The following CEP350 variants were observed in gnomAD, a reference collection of about 807,000 sequenced individuals.
CEP350 encodes centrosomal protein 350, also known as centrosome-associated protein 350.
A neutral mutation model predicts 331.8 loss-of-function variants in CEP350; 126 were observed. That is an observed-to-expected ratio of 0.38 (90% confidence interval 0.33 to 0.44). The LOEUF (loss-of-function observed/expected upper bound fraction) is 0.44, where lower values mean the gene tolerates loss of function less well. CEP350 is among the 20% of genes least tolerant of loss of function. The pLI, the probability that CEP350 is intolerant of heterozygous loss-of-function variation, is 1.00. For missense variants in CEP350, 3,406 were observed against 3,634.6 expected (o/e 0.94, Z 1.62); for synonymous variants, 1,200 against 1,259.5 (o/e 0.95, Z 1.00).
At position 180,020,892 on chromosome 1, in the gene CEP350, C is replaced by A. The variant is rs200622242; in HGVS notation, c.3118C>A (p.Pro1040Thr). ...TCAGAAAGAAGCTGAAAAATTCTTGCCACTTTTTGGGCACATAGGTGGTAC... is the reference window on the plus strand; with the variant it reads ...TCAGAAAGAAGCTGAAAAATTCTTGACACTTTTTGGGCACATAGGTGGTAC... ...EFQKEAEKFL[P>T]LFGHIGGTQS... is the part of the protein sequence containing the mutation. The change falls in exon 12 of 38, where the codon CCA becomes ACA. Residue 1040 changes from proline to threonine, a missense_variant. By Grantham distance (38) the Pro-to-Thr change is conservative. Coordinates refer to ENST00000367607, the MANE Select transcript of CEP350 (RefSeq NM_014810.5). 1.2e-4 allele frequency: 191 copies of A among 1,613,126 alleles called. No individual in the cohort carries two copies. Among genetic ancestry groups the A allele is most frequent in the Non-Finnish European group, 1.5e-4 (174 of 1,179,820 alleles).
At chr1:180,062,398 G>C (rs1333442047) in intron 26 of CEP350, 32 bp downstream of exon 26, 2 of 1,549,402 alleles carry the variant, frequency 1.3e-6, no homozygotes, top group Non-Finnish European at 1.7e-6. Context: ...TTTGTTTCCT[G>C]TCTTATTTTG....
chr1:180,014,622 C>T, intron 10 of CEP350, 117 bp downstream of exon 10: 2 of 902,342 alleles, frequency 2.2e-6, no homozygotes, highest in Admixed American at 3.3e-5. Flanking sequence ...TTATAATAAT[C>T]ATGGCCTTCA....
At chr1:179,989,358 C>T (rs1448817737) in intron 3 of CEP350, among the ~76,000 whole-genome samples, 1 of 151,574 alleles carries the variant, frequency 6.6e-6, no homozygotes, top group Non-Finnish European at 1.5e-5. Flanking sequence ...TGGTGTACAT[C>T]TGTAGTCCCA....
chr1:180,006,474 A>G lies in CEP350; in HGVS notation c.1153A>G (p.Lys385Glu), dbSNP rs1336281770. The G allele has an allele frequency of 6.6e-7, 1 of 1,526,534 alleles. No individual in the cohort carries two copies. 94.6% of individuals were successfully genotyped at this position (1,526,534 alleles called of 1,614,324 possible). Residue 385 changes from lysine (K) to glutamate (E), a missense_variant, in exon 8 of 38, where the codon AAA becomes GAA. Physicochemically the swap from Lys to Glu is moderately conservative, Grantham distance 56. Coordinates refer to ENST00000367607, the MANE Select transcript of CEP350 (RefSeq NM_014810.5). ...HFADDISIKEKPAEKSKEKKV... is the reference protein window; with the variant it reads ...HFADDISIKEEPAEKSKEKKV... ...TTCAGATGATATTTCTATAAAGGAG[A>G]AACCTGCTGAAAAAAGTAAAGAGAA...
chr1:180,086,659 G>A (rs577811240), intron 31 of CEP350, among the ~76,000 whole-genome samples: 42 of 152,128 alleles, frequency 2.8e-4, no homozygotes, highest in Non-Finnish European at 4.0e-4. Flanking sequence ...TCAGATCTTA[G>A]TAGTCATAGT....
At chr1:180,078,949 A>T (rs1374118070) in intron 29 of CEP350, among the ~76,000 whole-genome samples, 1 of 152,212 alleles carries the variant, frequency 6.6e-6, no homozygotes, top group Admixed American at 6.5e-5. Flanking sequence ...TAGGAACAAC[A>T]CAAGTTCTTT....
At chr1:180,050,311 G>T (rs1298543943) in intron 22 of CEP350, among the ~76,000 whole-genome samples, 1 of 152,118 alleles carries the variant, frequency 6.6e-6, no homozygotes, top group Non-Finnish European at 1.5e-5. Flanking sequence ...GAAAATATTT[G>T]CAGCTCACAT....
At chr1:180,085,781 A>G (rs1271754023) in intron 31 of CEP350, 2 of 152,136 alleles carry the variant, frequency 1.3e-5, no homozygotes, top group East Asian at 3.8e-4. Context: ...TGTCCTTTTA[A>G]TTTCCACCCA....
At chr1:180,025,293 A>G (rs1655598714) in intron 14 of CEP350, among the ~76,000 whole-genome samples, 2 of 152,218 alleles carry the variant, frequency 1.3e-5, no homozygotes, top group African/African-American at 4.8e-5. Context: ...ATCATTAAAT[A>G]TAATACCCAA....
At position 180,087,405 on chromosome 1, in the gene CEP350, G is replaced by A. The variant is rs531295304; in HGVS notation, c.6286-173G>A. On this transcript the variant is annotated intron_variant, in intron 31 of 37. Transcript: ENST00000367607. ...ATATATAGATTATTTTGAGAAGGAT[G>A]TACAAATAACTATAGAGTTCTGGAG... 19 of 471,818 alleles carry A rather than the reference G, an allele frequency of 4.0e-5. No homozygotes were observed. In the East Asian group the frequency reaches 5.7e-4, roughly 14 times the overall value. 29.2% of individuals were successfully genotyped at this position (471,818 alleles called of 1,614,324 possible).
At chr1:180,042,889 G>T (rs568147577) in intron 19 of CEP350, among the ~76,000 whole-genome samples, 167 bp from the exon 20 acceptor site, 2 of 152,334 alleles carry the variant, frequency 1.3e-5, no homozygotes, top group East Asian at 3.9e-4. Flanking sequence ...TGAAGCTGTT[G>T]AGACTTAAAG....
intron 36 of CEP350, among the ~76,000 whole-genome samples, chr1:180,097,818 T>C (rs990168937): frequency 2.6e-5 from 4 of 152,206 alleles, no homozygotes; most frequent in African/African-American, 9.6e-5. Context: ...GTTTTGGTGC[T>C]TCAAAATAAA....
intron 37 of CEP350, among the ~76,000 whole-genome samples, chr1:180,101,161 C>G (rs969958196): frequency 1.3e-5 from 2 of 152,182 alleles, no homozygotes; most frequent in African/African-American, 4.8e-5. Context: ...AATTTAGCAA[C>G]TGGTAAACAA....
rs1005293828 is a variant in CEP350 at position 179,960,216 on chromosome 1, C to T, written c.-14+5074C>T. Among the ~76,000 whole-genome samples the T allele has an allele frequency of 3.0e-5, 4 of 132,542 alleles. No individual in the cohort carries two copies. In the Admixed American group the frequency reaches 3.4e-4, roughly 11 times the overall value. The allele number at this position is 132,542 out of a possible 152,430, so 87.0% of individuals were successfully genotyped here. A position where few individuals can be genotyped will look rare whatever the true frequency, so the allele number is the denominator to read the frequency against. On this transcript the variant is annotated intron_variant, in intron 1 of 37. Coordinates refer to ENST00000367607, the MANE Select transcript of CEP350 (RefSeq NM_014810.5). Reference sequence around the variant, plus strand: ...CACCCACATTCACTCAGACTGGGACCATATAGACATGCCAATTCATGTCAG... The same window carrying T: ...CACCCACATTCACTCAGACTGGGACTATATAGACATGCCAATTCATGTCAG...
chr1:180,016,134 C>G (rs1350277079), intron 11 of CEP350, among the ~76,000 whole-genome samples, 164 bp downstream of exon 11: 1 of 152,188 alleles, frequency 6.6e-6, no homozygotes, highest in African/African-American at 2.4e-5. Flanking sequence ...CACATCTGTA[C>G]TTACTGTATA....
At chr1:179,997,662 G>A (rs1375784991) in intron 6 of CEP350, among the ~76,000 whole-genome samples, 2 of 151,992 alleles carry the variant, frequency 1.3e-5, no homozygotes, top group South Asian at 4.1e-4. Context: ...TTTTTAATTA[G>A]TCCTTCAGGG....
chr1:180,081,250 T>G (rs951241919), intron 30 of CEP350, among the ~76,000 whole-genome samples: 5 of 151,822 alleles, frequency 3.3e-5, no homozygotes, highest in Admixed American at 1.3e-4. Context: ...ATTCTTTGGG[T>G]TTTTTTTGGT....
At chr1:180,029,869 C>T (rs1478429928) in intron 14 of CEP350, among the ~76,000 whole-genome samples, 2 of 152,148 alleles carry the variant, frequency 1.3e-5, no homozygotes, top group African/African-American at 4.8e-5. Flanking sequence ...TTTACTTTCT[C>T]TCTATGAATT....
chr1:180,053,321 C>T (rs1236960490), intron 23 of CEP350, among the ~76,000 whole-genome samples, 155 bp downstream of exon 23: 1 of 152,204 alleles, frequency 6.6e-6, no homozygotes, highest in Non-Finnish European at 1.5e-5. Flanking sequence ...AATCTGGTTT[C>T]ACTTTCCTTA....
Sources: allele counts gnomAD v4.1 joint callset (sites outside exome capture counted in the v4.1 genomes callset), GRCh38; gene constraint gnomAD v4.1.1; transcripts MANE v1.5; gene names NCBI Gene and HGNC (gene_info 2026-07-23, HGNC 2026-07-21).